Variants in PATE1 observed in about 807,000 individuals in gnomAD.
PATE1 encodes the protein prostate and testis expressed protein 1.
Under a neutral mutation model 13.1 loss-of-function variants are expected in PATE1, and 21 were observed. The ratio of observed to expected loss-of-function variants is 1.61; its 90% CI spans 1.14 to 2.31. PATE1 has a LOEUF of 2.31. Ranked by LOEUF, PATE1 falls within the 30% of genes most tolerant of loss-of-function variation. PATE1 has a pLI of 0.00. For synonymous variants in PATE1, 52 were observed against 47.1 expected, an observed-to-expected ratio of 1.10 and a Z score of -0.43; for missense variants, 166 against 147.2, an observed-to-expected ratio of 1.13 and a Z score of -0.66.
intron 2 of PATE1, among the ~76,000 whole-genome samples, 162 bp downstream of exon 2, chr11:125,746,858 G>A (rs1041335594): frequency 6.6e-6 from 1 of 152,156 alleles, no homozygotes; most frequent in Non-Finnish European, 1.5e-5. Flanking sequence ...TGGCATGGGA[G>A]CTGATTTTAG....
At chr11:125,747,300 G>T in intron 2 of PATE1, 76 bp from the exon 3 acceptor site, 1 of 1,409,570 alleles carries the variant, frequency 7.1e-7, no homozygotes, top group Admixed American at 1.7e-5. Context: ...ACCCTGAAGG[G>T]CAGACTATAA....
rs981630265 is a variant in PATE1 at position 125,748,991 on chromosome 11, C to T, written c.*258C>T. 1.2e-4 allele frequency: 41 copies of T among 354,512 alleles called. No individual in the cohort carries two copies. The highest frequency in any genetic ancestry group is 1.7e-4 in the Non-Finnish European group (34 of 199,962). The allele number at this position is 354,512 out of a possible 1,614,324, so 22.0% of individuals were successfully genotyped here. On this transcript the variant is annotated 3_prime_UTR_variant, in exon 5 of 5. Coordinates refer to ENST00000305738, the MANE Select transcript of PATE1 (RefSeq NM_138294.3). The stretch of plus-strand genomic sequence containing the variant: ...AATATATCCTGCAGGTTGCTACAAA[C>T]CCTTGTGCTTTCACTGTATAGCCAG...
chr11:125,747,227 G>A, intron 2 of PATE1, 149 bp from the exon 3 acceptor site: 1 of 686,774 alleles, frequency 1.5e-6, no homozygotes, highest in South Asian at 1.8e-5. Flanking sequence ...TGCCCAGTAG[G>A]TGACTAGGCA....
At chr11:125,746,492 TAC>T in intron 1 of PATE1, 136 bp downstream of exon 1, 1 of 1,287,172 alleles carries the variant, frequency 7.8e-7, no homozygotes, top group Non-Finnish European at 1.1e-6. Flanking sequence ...TTATGCCTTC[TAC>T]CAGGGGTATG....
intron 1 of PATE1, 106 bp from the exon 2 acceptor site, chr11:125,746,555 G>GA (rs1943273457): frequency 6.9e-7 from 1 of 1,442,338 alleles, no homozygotes; most frequent in African/African-American, 1.4e-5. Flanking sequence ...TTTATGGGGG[G>GA]AAATAGGTAG....
rs759773490 is a variant in PATE1 at position 125,748,728 on chromosome 11, C to G, written c.376C>G (p.Leu126Val). The G allele has an allele frequency of 1.2e-6, 2 of 1,612,600 alleles. No individual in the cohort carries two copies. Among genetic ancestry groups the G allele is most frequent in the Non-Finnish European group, 1.7e-6 (2 of 1,179,620 alleles). ...CRSHDLCNEDL is the reference protein window; with the variant it reads ...CRSHDLCNEDV ...GAGCCATGACCTGTGCAATGAAGAC[C>G]TTTAGAAGTTAATGGTTCTTCTGTG... Residue 126 changes from leucine (L) to valine (V), a missense_variant, in exon 5 of 5, where the codon CTT becomes GTT. Physicochemically the swap from Leu to Val is conservative, Grantham distance 32. Transcript: ENST00000305738.
intron 4 of PATE1, 77 bp downstream of exon 4, chr11:125,747,899 G>A (rs923079419): frequency 6.3e-7 from 1 of 1,584,354 alleles, no homozygotes; most frequent in Non-Finnish European, 8.6e-7. Flanking sequence ...GGAAAGGAGA[G>A]ATCTTACTTT....
intron 4 of PATE1, 134 bp downstream of exon 4, chr11:125,747,956 T>A: frequency 7.6e-7 from 1 of 1,323,260 alleles, no homozygotes; most frequent in Non-Finnish European, 1.0e-6. Flanking sequence ...GATTCCTTCA[T>A]CCCCATCATA....
chr11:125,747,472 T>C (rs1943283668), intron 3 of PATE1, 61 bp downstream of exon 3: 1 of 1,389,176 alleles, frequency 7.2e-7, no homozygotes, highest in Non-Finnish European at 9.6e-7. Context: ...CTTTTCCTTA[T>C]TCCTCCACCT....
chr11:125,749,780 G>A lies in PATE1; in HGVS notation c.*1047G>A, dbSNP rs980424330. 2 of 151,988 alleles carry A rather than the reference G, an allele frequency of 1.3e-5. No homozygotes were observed. Among genetic ancestry groups the A allele is most frequent in the Non-Finnish European group, 2.9e-5 (2 of 67,998 alleles). The allele number at this position is 151,988 out of a possible 1,614,324, so 9.4% of individuals were successfully genotyped here. On this transcript the variant is annotated 3_prime_UTR_variant, in exon 5 of 5. Transcript: ENST00000305738. ...TGATTTCTAACGAAACTTGTAGAAT[G>A]AAGCCTGGAAAGAGTGATGAATTAT... is the stretch of plus-strand genomic sequence containing the variant.
Position 125,748,716 on chromosome 11 carries a change from T to A in PATE1, c.364T>A (p.Cys122Ser), listed in dbSNP as rs1446747788. The A allele has an allele frequency of 6.2e-7, 1 of 1,613,736 alleles. No homozygotes were observed. The highest frequency in any genetic ancestry group is 1.7e-5 in the Admixed American group (1 of 59,964). The change falls in exon 5 of 5, where the codon TGC becomes AGC. Residue 122 changes from cysteine (C) to serine (S), a missense_variant. Cys to Ser is a moderately radical substitution (Grantham distance 112). Transcript: ENST00000305738. ...CAGGTGCTGCAGGAGCCATGACCTGTGCAATGAAGACCTTTAGAAGTTAAT... is the reference window on the plus strand; with the variant it reads ...CAGGTGCTGCAGGAGCCATGACCTGAGCAATGAAGACCTTTAGAAGTTAAT... ...NFRCCRSHDLCNEDL is the reference protein window; with the variant it reads ...NFRCCRSHDLSNEDL
At chr11:125,748,504 A>C in intron 4 of PATE1, 96 bp from the exon 5 acceptor site, 1 of 1,407,762 alleles carries the variant, frequency 7.1e-7, no homozygotes, top group Admixed American at 2.3e-5. Context: ...TGAACTACAC[A>C]AGATTATTTC....
In PATE1 at chr11:125,748,814, TCACA is replaced by T. The variant is rs71750638; in HGVS notation, c.*99_*102del. The T allele has an allele frequency of 8.1e-5, 84 of 1,042,180 alleles. No homozygotes were observed. The highest frequency in any genetic ancestry group is 1.9e-4 in the African/African-American group (6 of 31,484). The allele number at this position is 1,042,180 out of a possible 1,614,324, so 64.6% of individuals were successfully genotyped here. A position where few individuals can be genotyped will look rare whatever the true frequency, so the allele number is the denominator to read the frequency against. ...CTTCACAATGACTTTCTAAAAAAAA[TCACA>T]CACACACACACACACACTACAGAAG... On this transcript the variant is annotated 3_prime_UTR_variant, in exon 5 of 5. Transcript: ENST00000305738.
At chr11:125,747,992 T>G (rs930603311) in intron 4 of PATE1, 170 bp downstream of exon 4, 11 of 1,019,640 alleles carry the variant, frequency 1.1e-5, no homozygotes, top group Non-Finnish European at 1.5e-5. Context: ...TAGATGGAGG[T>G]GGTCACTAAG....
At position 125,748,631 on chromosome 11, in the gene PATE1, C is replaced by A; in HGVS notation, c.279C>A (p.Gly93=). Residue 93 remains glycine, a synonymous_variant, in exon 5 of 5, where the codon GGC becomes GGA. Transcript: ENST00000305738. ...RDGNPWLTFM[G]CLKNCADVKG... ...GTAATCCCTGGTTAACCTTCATGGG[C>A]TGCCTAAAGAACTGTGCTGATGTGA... is the stretch of plus-strand genomic sequence containing the variant. 1 of 1,613,722 alleles carries A rather than the reference C, an allele frequency of 6.2e-7. No individual in the cohort carries two copies. The highest frequency in any genetic ancestry group is 1.3e-5 in the African/African-American group (1 of 74,996).
chr11:125,747,253 G>A, intron 2 of PATE1, 123 bp from the exon 3 acceptor site: 3 of 800,894 alleles, frequency 3.7e-6, no homozygotes, highest in Non-Finnish European at 6.2e-6. Context: ...GGGACAGAGT[G>A]GGCCTGGAAT....
At position 125,748,825 on chromosome 11, in the gene PATE1, C is replaced by G. The variant is rs1943304061; in HGVS notation, c.*92C>G. ...CTTTCTAAAAAAAATCACACACACA[C>G]ACACACACACTACAGAAGAGGATTG... On this transcript the variant is annotated 3_prime_UTR_variant, in exon 5 of 5. Transcript: ENST00000305738. 1 of 1,433,060 alleles carries G rather than the reference C, an allele frequency of 7.0e-7. No homozygotes were observed. Among genetic ancestry groups the G allele is most frequent in the Non-Finnish European group, 9.5e-7 (1 of 1,049,990 alleles). The allele number at this position is 1,433,060 out of a possible 1,614,324, so 88.8% of individuals were successfully genotyped here.
At chr11:125,747,433 C>G (rs746198822) in intron 3 of PATE1, 22 bp downstream of exon 3, 2 of 1,599,876 alleles carry the variant, frequency 1.3e-6, no homozygotes, top group South Asian at 2.2e-5. Context: ...GAGGACCTGT[C>G]TGATCACCTC....
intron 1 of PATE1, 92 bp from the exon 2 acceptor site, chr11:125,746,569 A>G: frequency 6.7e-7 from 1 of 1,488,966 alleles, no homozygotes; most frequent in Non-Finnish European, 9.4e-7. Context: ...TAGGTAGATT[A>G]GAGAGGAATT....
Sources: gnomAD v4.1 joint callset for allele counts (sites outside exome capture counted in the v4.1 genomes callset) on GRCh38, gnomAD v4.1.1 for gene constraint, MANE v1.5 for transcripts, NCBI Gene and HGNC (gene_info 2026-07-23, HGNC 2026-07-21) for gene names.